The following SIPA1L3 variants were observed in gnomAD, a reference collection of about 807,000 sequenced individuals.
The protein encoded by SIPA1L3 is signal induced proliferation associated 1 like 3.
SIPA1L3 carries 59 observed loss-of-function variants against 150.1 expected under a neutral mutation model. The ratio of observed to expected loss-of-function variants is 0.39; its 90% CI spans 0.32 to 0.49. The LOEUF is 0.49. Ranked by LOEUF, SIPA1L3 falls within the 20% of genes least tolerant of loss-of-function variation. SIPA1L3 has a pLI of 0.86. For synonymous variants in SIPA1L3, 1,070 were observed against 1,077.6 expected (o/e 0.99, Z 0.14); for missense variants, 2,211 against 2,489.5 (o/e 0.89, Z 2.38).
At chr19:38,021,357 C>T (rs1968369260) in intron 1 of SIPA1L3, among the ~76,000 whole-genome samples, 1 of 152,128 alleles carries the variant, frequency 6.6e-6, no homozygotes, top group Non-Finnish European at 1.5e-5. Context: ...CTGCTCTGAC[C>T]CTCTTGCCGC....
At chr19:37,912,050 C>T (rs941723966) in intron 1 of SIPA1L3, among the ~76,000 whole-genome samples, 5 of 151,004 alleles carry the variant, frequency 3.3e-5, no homozygotes, top group East Asian at 2.0e-4. Context: ...CCAGCCTGGG[C>T]GACAGAGCGA....
intron 4 of SIPA1L3, among the ~76,000 whole-genome samples, chr19:38,097,899 C>A (rs1296537573): frequency 6.6e-6 from 1 of 152,104 alleles, no homozygotes; most frequent in Non-Finnish European, 1.5e-5. Flanking sequence ...CATACACATA[C>A]CAAATATATA....
At chr19:38,012,206 C>T (rs1968117852) in intron 1 of SIPA1L3, among the ~76,000 whole-genome samples, 1 of 151,928 alleles carries the variant, frequency 6.6e-6, no homozygotes, top group Non-Finnish European at 1.5e-5. Flanking sequence ...CACCCTCAGC[C>T]TCCTGGATAG....
intron 2 of SIPA1L3, among the ~76,000 whole-genome samples, chr19:38,065,233 C>T (rs917799484): frequency 1.3e-4 from 20 of 152,030 alleles, no homozygotes; most frequent in Non-Finnish European, 1.9e-4. Context: ...GGGAGCCTGT[C>T]GCCAGGCCAC....
At chr19:38,069,340 C>T (rs752727864) in intron 2 of SIPA1L3, among the ~76,000 whole-genome samples, 1 of 152,152 alleles carries the variant, frequency 6.6e-6, no homozygotes, top group Non-Finnish European at 1.5e-5. Flanking sequence ...ATAACTGCCA[C>T]CATACGTGAC....
intron 1 of SIPA1L3, among the ~76,000 whole-genome samples, chr19:37,916,779 G>A (rs2042301669): frequency 6.6e-6 from 1 of 152,104 alleles, no homozygotes; most frequent in Admixed American, 6.6e-5. Flanking sequence ...AGCCAACATG[G>A]TGAAATCCCA....
rs544007260 is a variant in SIPA1L3 at position 38,155,084 on chromosome 19, G to C, written c.3661+2117G>C. On this transcript the variant is annotated intron_variant, in intron 13 of 21. Coordinates refer to ENST00000222345, the MANE Select transcript of SIPA1L3 (RefSeq NM_015073.3). The stretch of plus-strand genomic sequence containing the variant: ...CTAGTATGTTTAACTTTATAAGAAG[G>C]TGCCAAACTGTTTCCCAAAATGACA... Among the ~76,000 whole-genome samples, 307 of 152,132 alleles carry C rather than the reference G, an allele frequency of 2.0e-3. 3 individuals are homozygous for C. Among genetic ancestry groups the C allele is most frequent in the African/African-American group, 7.0e-3 (292 of 41,502 alleles).
At chr19:38,112,108 CACAT>C (rs758523584) in intron 8 of SIPA1L3, among the ~76,000 whole-genome samples, 14 of 150,542 alleles carry the variant, frequency 9.3e-5, no homozygotes, top group Middle Eastern at 3.5e-3. Flanking sequence ...TACATGCACA[CACAT>C]ACATGCACAC....
chr19:37,956,009 C>T (rs980933248), intron 1 of SIPA1L3, among the ~76,000 whole-genome samples: 1 of 152,206 alleles, frequency 6.6e-6, no homozygotes, highest in Non-Finnish European at 1.5e-5. Flanking sequence ...GATAGGGTCT[C>T]ATGATGTTGT....
chr19:38,174,749 C>T (rs991048040), intron 15 of SIPA1L3, among the ~76,000 whole-genome samples: 15 of 151,600 alleles, frequency 9.9e-5, no homozygotes, highest in African/African-American at 3.6e-4. Flanking sequence ...ACTCGAGAGG[C>T]TGAGGCGAGA....
In SIPA1L3 at chr19:38,065,834, C is replaced by CTATTTATTTATTTATTTATT. The variant is rs74176412; in HGVS notation, c.-310-15412_-310-15393dup. 2.3e-3 allele frequency among the ~76,000 whole-genome samples: 322 copies of CTATTTATTTATTTATTTATT among 141,068 alleles called. 7 individuals are homozygous for CTATTTATTTATTTATTTATT. The highest frequency in any genetic ancestry group is 8.1e-3 in the African/African-American group (300 of 37,088). 92.5% of individuals were successfully genotyped at this position (141,068 alleles called of 152,430 possible). The stretch of plus-strand genomic sequence containing the variant: ...ATGCATTACACATAGCTCTACCTTG[C>CTATTTATTTATTTATTTATT]TATTTATTTATTTATTTATTTATTT... On this transcript the variant is annotated intron_variant, in intron 2 of 21. Transcript: ENST00000222345.
chr19:38,039,566 C>G (rs1030885598), intron 2 of SIPA1L3, among the ~76,000 whole-genome samples: 3 of 151,734 alleles, frequency 2.0e-5, no homozygotes, highest in Non-Finnish European at 2.9e-5. Context: ...TGGTGGCACG[C>G]GCATGTAATC....
At chr19:38,136,183 C>CAAAAAAAAAAAAA (rs56146390) in intron 10 of SIPA1L3, among the ~76,000 whole-genome samples, 7 of 44,114 alleles carry the variant, frequency 1.6e-4, no homozygotes, top group Non-Finnish European at 2.1e-4. Context: ...GAGACTGTCT[C>CAAAAAAAAAAAAA]AAAAAAAAAA....
chr19:38,175,235 G>C (rs896784673), intron 15 of SIPA1L3, among the ~76,000 whole-genome samples: 2 of 152,158 alleles, frequency 1.3e-5, no homozygotes, highest in Non-Finnish European at 2.9e-5. Context: ...AGGCCAGGCA[G>C]CTTCCACAGG....
intron 1 of SIPA1L3, among the ~76,000 whole-genome samples, chr19:38,018,411 G>A (rs1445049305): frequency 6.6e-6 from 1 of 151,892 alleles, no homozygotes; most frequent in Non-Finnish European, 1.5e-5. Flanking sequence ...TGATCTGCCC[G>A]CCTCGGCTAG....
At chr19:38,119,957 A>C in intron 9 of SIPA1L3, 75 bp downstream of exon 9, 1 of 1,040,826 alleles carries the variant, frequency 9.6e-7, no homozygotes, top group Admixed American at 2.6e-5. Context: ...ATACTTCCCT[A>C]GCCCAGTCAG....
chr19:37,983,263 G>A (rs1254396587), intron 1 of SIPA1L3, among the ~76,000 whole-genome samples: 1 of 152,238 alleles, frequency 6.6e-6, no homozygotes. Flanking sequence ...GTTGAAAGCC[G>A]ACCCTGGAGC....
intron 18 of SIPA1L3, among the ~76,000 whole-genome samples, chr19:38,195,571 G>A (rs570740738): frequency 2.0e-5 from 3 of 152,234 alleles, no homozygotes; most frequent in African/African-American, 7.2e-5. Context: ...TCTGCCCAAG[G>A]CAGGGCTGGT....
chr19:37,937,763 A>AAAAAAAAAAAAAAAAAAAAAAAAC (rs1212770975), intron 1 of SIPA1L3, among the ~76,000 whole-genome samples: 1 of 142,224 alleles, frequency 7.0e-6, no homozygotes, highest in African/African-American at 2.6e-5. Context: ...AAAAAAAAAA[A>AAAAAAAAAAAAAAAAAAAAAAAAC]AGACCAGGCA....
Sources: gnomAD v4.1 joint callset for allele counts (sites outside exome capture counted in the v4.1 genomes callset) on GRCh38, gnomAD v4.1.1 for gene constraint, MANE v1.5 for transcripts, NCBI Gene and HGNC (gene_info 2026-07-23, HGNC 2026-07-21) for gene names.